The following MCC variants were observed in gnomAD, a reference collection of about 807,000 sequenced individuals.
The protein encoded by MCC is colorectal mutant cancer protein.
A neutral mutation model predicts 116.2 loss-of-function variants in MCC; 90 were observed. The observed-to-expected ratio is 0.77, with a 90% CI of 0.65 to 0.92. MCC has a LOEUF of 0.92. Among genes scored for constraint, MCC ranks in the 40% least tolerant of loss-of-function variants. The pLI, the probability that MCC is intolerant of heterozygous loss-of-function variation, is 0.00. For missense variants in MCC, 1,516 were observed against 1,312.2 expected (o/e 1.16, Z -2.40); for synonymous variants, 578 against 510.5 (o/e 1.13, Z -1.78).
At chr5:113,469,531 C>A (rs1239676619) in intron 1 of MCC, among the ~76,000 whole-genome samples, 1 of 152,178 alleles carries the variant, frequency 6.6e-6, no homozygotes, top group East Asian at 1.9e-4. Context: ...AGTTTGATTG[C>A]ACTGTGGTCT....
intron 1 of MCC, among the ~76,000 whole-genome samples, chr5:113,485,273 G>A (rs1228891376): frequency 6.6e-6 from 1 of 152,086 alleles, no homozygotes; most frequent in Admixed American, 6.5e-5. Context: ...TGAGGGTTCA[G>A]CGGAGGACCA....
chr5:113,077,632 GA>G (rs923609917), intron 11 of MCC, among the ~76,000 whole-genome samples: 53 of 152,310 alleles, frequency 3.5e-4, no homozygotes, highest in African/African-American at 1.1e-3. Context: ...AAACATACAA[GA>G]ATCTCTGGGA....
chr5:113,312,292 T>A (rs1473209313), intron 3 of MCC, among the ~76,000 whole-genome samples: 1 of 151,712 alleles, frequency 6.6e-6, no homozygotes, highest in Non-Finnish European at 1.5e-5. Flanking sequence ...AAAAAACCTA[T>A]AAAACTGCAA....
intron 3 of MCC, among the ~76,000 whole-genome samples, chr5:113,175,703 G>C (rs1761297683): frequency 2.0e-5 from 3 of 151,870 alleles, no homozygotes; most frequent in South Asian, 4.2e-4. Flanking sequence ...GTACCCCCAG[G>C]GGATTAAATA....
intron 1 of MCC, among the ~76,000 whole-genome samples, chr5:113,440,672 AAAAC>A (rs1580378469): frequency 6.6e-6 from 1 of 152,200 alleles, no homozygotes; most frequent in Non-Finnish European, 1.5e-5. Context: ...GTGAGAAAGA[AAAAC>A]AAAGCTAGAA....
chr5:113,380,917 T>G (rs536359811), intron 2 of MCC, among the ~76,000 whole-genome samples: 1 of 152,282 alleles, frequency 6.6e-6, no homozygotes, highest in East Asian at 1.9e-4. Flanking sequence ...CAACTCAGAG[T>G]GGGTGGTGTG....
intron 2 of MCC, among the ~76,000 whole-genome samples, chr5:113,346,616 A>AAACT (rs1491033202): frequency 1.6e-5 from 1 of 63,944 alleles, no homozygotes; most frequent in Non-Finnish European, 2.7e-5. Flanking sequence ...ACAAACAAAC[A>AAACT]ACAACAACAA....
chr5:113,175,789 C>G (rs7732217), intron 3 of MCC, among the ~76,000 whole-genome samples: 18,135 of 151,972 alleles, frequency 0.12, 1,233 homozygotes, highest in African/African-American at 0.16. Context: ...CATCCCCAAT[C>G]ATCCCTAGAG....
At chr5:113,319,633 T>G (rs1767369183) in intron 3 of MCC, among the ~76,000 whole-genome samples, 1 of 152,218 alleles carries the variant, frequency 6.6e-6, no homozygotes, top group African/African-American at 2.4e-5. Context: ...GATGCCTGTT[T>G]CCATGCATGG....
chr5:113,416,305 T>A (rs1177706634), intron 1 of MCC, among the ~76,000 whole-genome samples: 1 of 152,168 alleles, frequency 6.6e-6, no homozygotes, highest in Admixed American at 6.5e-5. Flanking sequence ...TGTAGTCTCA[T>A]CTACTCAGGA....
chr5:113,090,327 T>G, intron 8 of MCC, among the ~76,000 whole-genome samples: 1 of 146,062 alleles, frequency 6.8e-6, no homozygotes, highest in Non-Finnish European at 1.5e-5. Flanking sequence ...ATGTCAGAAA[T>G]GAGAAAGGAG....
At position 113,464,116 on chromosome 5, in the gene MCC, A is replaced by G. The variant is rs111987215; in HGVS notation, c.170+24129T>C. Among the ~76,000 whole-genome samples the G allele has an allele frequency of 1.9e-3, 151 of 77,736 alleles. 4 individuals carry two copies. Among genetic ancestry groups the G allele is most frequent in the African/African-American group, 5.9e-3 (140 of 23,872 alleles). 51.0% of individuals were successfully genotyped at this position (77,736 alleles called of 152,430 possible). A position where few individuals can be genotyped will look rare whatever the true frequency, so the allele number is the denominator to read the frequency against. On this transcript the variant is annotated intron_variant, in intron 1 of 18. Coordinates refer to ENST00000408903, the MANE Select transcript of MCC (RefSeq NM_001085377.2). ...CACTAGTGACCTTAGCATTGATTCA[A>G]TGAAGTGACAATAGGGCACCATGAA...
chr5:113,089,661 C>T (rs1032749046), intron 8 of MCC, among the ~76,000 whole-genome samples: 1 of 152,200 alleles, frequency 6.6e-6, no homozygotes, highest in Admixed American at 6.5e-5. Flanking sequence ...TAAGCACTTG[C>T]AATGTGCCTG....
chr5:113,193,702 G>A (rs538517807), intron 3 of MCC, among the ~76,000 whole-genome samples: 5 of 152,272 alleles, frequency 3.3e-5, no homozygotes, highest in South Asian at 2.1e-4. Flanking sequence ...CTAGGAAACC[G>A]CTTCATAGCC....
Position 113,043,533 on chromosome 5 carries a change from CG to C in MCC, c.2752del (p.Arg918ValfsTer6), listed in dbSNP as rs1561746306. The stretch of plus-strand genomic sequence containing the variant: ...GGGGTGGGGAAAGGGTGCTTACCGA[CG>C]AATGGCGTTGGTGAACTCCGCAGCC... ...ELAAEFTNAI[R>X]REKKLKARVQ... On this transcript the variant is annotated frameshift_variant, in exon 17 of 19. Transcript: ENST00000408903. LOFTEE classifies it high-confidence loss of function. 6.2e-7 allele frequency: 1 copy of C among 1,613,802 alleles called. No homozygotes were observed. Among genetic ancestry groups the C allele is most frequent in the Admixed American group, 1.7e-5 (1 of 59,982 alleles).
intron 17 of MCC, among the ~76,000 whole-genome samples, chr5:113,039,470 C>G (rs142942218): frequency 7.8e-4 from 119 of 152,336 alleles, no homozygotes; most frequent in African/African-American, 2.7e-3. Context: ...TTCGCACTGA[C>G]AGACTAAGAC....
intron 3 of MCC, among the ~76,000 whole-genome samples, chr5:113,302,423 T>C (rs569644924): frequency 6.6e-6 from 1 of 152,338 alleles, no homozygotes; most frequent in East Asian, 1.9e-4. Context: ...GTGGACTTTG[T>C]TGAGATCCTG....
intron 13 of MCC, among the ~76,000 whole-genome samples, chr5:113,067,580 GA>G (rs1753711737): frequency 6.6e-6 from 1 of 152,210 alleles, no homozygotes; most frequent in African/African-American, 2.4e-5. Context: ...AGGTTGCAGT[GA>G]GCCAAGATTG....
At chr5:113,114,578 C>A (rs1757286643) in intron 6 of MCC, among the ~76,000 whole-genome samples, 1 of 152,162 alleles carries the variant, frequency 6.6e-6, no homozygotes, top group Non-Finnish European at 1.5e-5. Flanking sequence ...CATGGCCTAC[C>A]CCGCCCCCCA....
Sources: allele counts gnomAD v4.1 joint callset (sites outside exome capture counted in the v4.1 genomes callset), GRCh38; gene constraint gnomAD v4.1.1; transcripts MANE v1.5; gene names NCBI Gene and HGNC (gene_info 2026-07-23, HGNC 2026-07-21).